The following NRG1 variants were observed in gnomAD, a reference collection of about 807,000 sequenced individuals.
The protein encoded by NRG1 is pro-neuregulin-1, membrane-bound isoform.
A neutral mutation model predicts 63.8 loss-of-function variants in NRG1; 18 were observed. The ratio of observed to expected loss-of-function variants is 0.28; its 90% CI spans 0.19 to 0.42. The LOEUF (loss-of-function observed/expected upper bound fraction) is 0.42. NRG1 is among the 10% of genes least tolerant of loss of function. NRG1 has a pLI of 1.00. For synonymous variants in NRG1, 302 were observed against 301.3 expected, an observed-to-expected ratio of 1.00 and a Z score of -0.02; for missense variants, 762 against 814.7, an observed-to-expected ratio of 0.94 and a Z score of 0.79.
At chr8:32,419,830 A>G (rs1455069164) in intron 1 of NRG1, among the ~76,000 whole-genome samples, 1 of 152,206 alleles carries the variant, frequency 6.6e-6, no homozygotes, top group Non-Finnish European at 1.5e-5. Context: ...ATCTTCTTTT[A>G]CATTTATGCA....
chr8:32,620,005 C>T (rs753411189), intron 5 of NRG1, among the ~76,000 whole-genome samples: 13 of 152,072 alleles, frequency 8.5e-5, no homozygotes, highest in South Asian at 2.1e-4. Flanking sequence ...GGCAGCCACA[C>T]GCAGGACTTG....
intron 1 of NRG1, among the ~76,000 whole-genome samples, chr8:31,918,634 G>A (rs1224813315): frequency 6.6e-6 from 1 of 152,112 alleles, no homozygotes; most frequent in African/African-American, 2.4e-5. Context: ...TTGCATCAAT[G>A]TTCATCAAGG....
intron 1 of NRG1, among the ~76,000 whole-genome samples, chr8:31,851,301 T>G (rs561466989): frequency 2.0e-5 from 3 of 152,308 alleles, no homozygotes; most frequent in Admixed American, 2.0e-4. Context: ...TGCATGTCTT[T>G]GGGAAAATGT....
intron 1 of NRG1, among the ~76,000 whole-genome samples, chr8:32,280,222 G>C (rs1852554726): frequency 6.6e-6 from 1 of 152,192 alleles, no homozygotes; most frequent in Non-Finnish European, 1.5e-5. Flanking sequence ...CCCACCAAGT[G>C]GTTATCTAAA....
chr8:32,380,342 A>G (rs1297750808), intron 1 of NRG1, among the ~76,000 whole-genome samples: 6 of 152,116 alleles, frequency 3.9e-5, no homozygotes, highest in Non-Finnish European at 8.8e-5. Flanking sequence ...GTCTTTGCTT[A>G]ACGAATAAAT....
chr8:31,639,736 C>T, intron 1 of NRG1: 1 of 1,372,792 alleles, frequency 7.3e-7, no homozygotes, highest in Non-Finnish European at 9.3e-7. Context: ...GTTTTTTTGC[C>T]TTTTCTATTT....
chr8:32,161,966 T>C lies in NRG1; in HGVS notation c.38-433862T>C, dbSNP rs536988563. On this transcript the variant is annotated intron_variant, in intron 1 of 10. Coordinates refer to the NRG1 transcript ENST00000519301. ...TTCCTCACACAGTCCCCACCTGGCT[T>C]AGTGCTCAGGAAGAGGAAATAGATT... 2.6e-5 allele frequency among the ~76,000 whole-genome samples: 4 copies of C among 152,288 alleles called. No individual in the cohort carries two copies. The South Asian group carries it at 8.3e-4, about 32-fold the overall frequency.
rs142935210 is a variant in NRG1, at chr8:32,505,675, G to A, written c.38-90153G>A. ...CAGCAAAAATGGTGTTTGTGAAAAT[G>A]GTATCTCCAGCGTTACACAAAAGTG... is the stretch of plus-strand genomic sequence containing the variant. On this transcript the variant is annotated intron_variant, in intron 1 of 10. Transcript: ENST00000519301. Among the ~76,000 whole-genome samples, 23 of 152,262 alleles carry A rather than the reference G, an allele frequency of 1.5e-4. 1 individual carries two copies. The highest frequency in any genetic ancestry group is 5.5e-4 in the African/African-American group (23 of 41,552).
At chr8:32,555,178 T>C (rs991128556) in intron 1 of NRG1, among the ~76,000 whole-genome samples, 1 of 152,132 alleles carries the variant, frequency 6.6e-6, no homozygotes, top group African/African-American at 2.4e-5. Context: ...GAATCAAGCA[T>C]CTTTAAATAC....
chr8:32,631,190 T>C (rs1850239203), intron 5 of NRG1, among the ~76,000 whole-genome samples: 2 of 152,042 alleles, frequency 1.3e-5, no homozygotes, highest in African/African-American at 4.8e-5. Flanking sequence ...TGTATTATTG[T>C]AATTAAAAAG....
chr8:32,048,439 A>G (rs1821409625), intron 1 of NRG1, among the ~76,000 whole-genome samples: 1 of 4,458 alleles, frequency 2.2e-4, no homozygotes, highest in Non-Finnish European at 9.5e-4. Context: ...GTACACATAT[A>G]TACATACATA....
rs542036719 is a variant in NRG1, at chr8:31,702,522, T to C, written c.37+63091T>C. Among the ~76,000 whole-genome samples the C allele has an allele frequency of 8.4e-4, 127 of 151,990 alleles. No homozygotes were observed. In the Middle Eastern group the frequency reaches 0.014, roughly 16 times the overall value. ...GCTTTATATCTTCATATCAGCTTAG[T>C]CCTAGTTAATTGTTATTTTCAATCA... is the stretch of plus-strand genomic sequence containing the variant. On this transcript the variant is annotated intron_variant, in intron 1 of 10. Coordinates refer to the NRG1 transcript ENST00000519301.
chr8:32,304,920 G>T (rs1856013409), intron 1 of NRG1, among the ~76,000 whole-genome samples: 1 of 152,026 alleles, frequency 6.6e-6, no homozygotes, highest in African/African-American at 2.4e-5. Flanking sequence ...TACTAGAGAG[G>T]CTGAGAATCT....
At chr8:32,059,659 G>C (rs1476811118) in intron 1 of NRG1, among the ~76,000 whole-genome samples, 1 of 151,858 alleles carries the variant, frequency 6.6e-6, no homozygotes, top group Non-Finnish European at 1.5e-5. Context: ...TATTCCTCCT[G>C]TTTCCCTTTA....
At chr8:31,909,962 C>T (rs558561111) in intron 1 of NRG1, among the ~76,000 whole-genome samples, 9 of 152,170 alleles carry the variant, frequency 5.9e-5, no homozygotes, top group East Asian at 1.9e-4. Flanking sequence ...GGCATTTATG[C>T]GATTACATTC....
At chr8:32,133,073 T>C (rs1180343163) in intron 1 of NRG1, among the ~76,000 whole-genome samples, 1 of 152,034 alleles carries the variant, frequency 6.6e-6, no homozygotes, top group Non-Finnish European at 1.5e-5. Flanking sequence ...GTTTCATTGA[T>C]GGTGTGTGAT....
chr8:32,419,048 A>G (rs1816329097), intron 1 of NRG1, among the ~76,000 whole-genome samples: 1 of 152,242 alleles, frequency 6.6e-6, no homozygotes, highest in African/African-American at 2.4e-5. Flanking sequence ...CAACACAGGA[A>G]GAGTTCTCAG....
chr8:32,326,928 T>C (rs1802091059), intron 1 of NRG1, among the ~76,000 whole-genome samples: 1 of 152,142 alleles, frequency 6.6e-6, no homozygotes, highest in South Asian at 2.1e-4. Flanking sequence ...ATGAGACAAA[T>C]TCTTGAAATC....
chr8:32,582,378 G>A (rs1223742510), intron 1 of NRG1, among the ~76,000 whole-genome samples: 4 of 152,276 alleles, frequency 2.6e-5, no homozygotes, highest in South Asian at 4.1e-4. Flanking sequence ...GATTACAGGC[G>A]TGAGACACGG....
Sources: allele counts gnomAD v4.1 joint callset (sites outside exome capture counted in the v4.1 genomes callset), GRCh38; gene constraint gnomAD v4.1.1; transcripts MANE v1.5; gene names NCBI Gene and HGNC (gene_info 2026-07-23, HGNC 2026-07-21).